Variants in GUCY1A2 observed in about 807,000 individuals in gnomAD.
GUCY1A2 encodes the protein guanylate cyclase soluble subunit alpha-2.
In GUCY1A2, 27 loss-of-function variants were observed where a neutral mutation model predicts 63.5. That is an observed-to-expected ratio of 0.43 (90% CI 0.31 to 0.59). The LOEUF (loss-of-function observed/expected upper bound fraction) is 0.59. Among genes scored for constraint, GUCY1A2 ranks in the 20% least tolerant of loss-of-function variants. GUCY1A2 has a pLI of 0.11. For synonymous variants in GUCY1A2, 364 were observed against 343.5 expected, an observed-to-expected ratio of 1.06 and a Z score of -0.66; for missense variants, 768 against 913.3, an observed-to-expected ratio of 0.84 and a Z score of 2.05.
chr11:106,890,626 C>G (rs1351830864), intron 4 of GUCY1A2, among the ~76,000 whole-genome samples: 4 of 152,194 alleles, frequency 2.6e-5, no homozygotes, highest in Non-Finnish European at 5.9e-5. Context: ...AATAGAACCA[C>G]TAGGAGATTA....
Position 106,795,812 on chromosome 11 carries a change from G to T in GUCY1A2, c.1692+14181C>A, listed in dbSNP as rs1284792404. 2.6e-5 allele frequency among the ~76,000 whole-genome samples: 4 copies of T among 152,120 alleles called. No individual in the cohort carries two copies. The East Asian group carries it at 7.7e-4, about 29-fold the overall frequency. On this transcript the variant is annotated intron_variant, in intron 5 of 7. Transcript: ENST00000526355. ...AATAGGGAGGCAGCAGCATTGATTT[G>T]CAGTTTGAAAACATTTTCCTAGCAA...
chr11:106,926,976 A>T (rs1456695752), intron 4 of GUCY1A2, among the ~76,000 whole-genome samples: 3 of 150,272 alleles, frequency 2.0e-5, no homozygotes, highest in African/African-American at 7.3e-5. Flanking sequence ...TCTCTTCTGT[A>T]ATTCAGTGGT....
At chr11:106,882,504 C>A (rs1463590996) in intron 4 of GUCY1A2, among the ~76,000 whole-genome samples, 1 of 151,884 alleles carries the variant, frequency 6.6e-6, no homozygotes, top group Non-Finnish European at 1.5e-5. Flanking sequence ...AAAGTTTGAA[C>A]AATCATGAAC....
intron 4 of GUCY1A2, among the ~76,000 whole-genome samples, chr11:106,917,614 T>TA (rs1860384907): frequency 7.0e-6 from 1 of 143,254 alleles, no homozygotes; most frequent in South Asian, 2.6e-4. Flanking sequence ...TATGCAGCCA[T>TA]AAAAAAGGAT....
intron 4 of GUCY1A2, among the ~76,000 whole-genome samples, chr11:106,832,346 GA>G (rs1859062705): frequency 1.3e-5 from 2 of 152,056 alleles, no homozygotes; most frequent in African/African-American, 4.8e-5. Flanking sequence ...CTCTAAAAAT[GA>G]AAATCTCTAG....
intron 4 of GUCY1A2, chr11:106,823,984 G>A: frequency 1.3e-6 from 1 of 788,084 alleles, no homozygotes; most frequent in South Asian, 3.1e-5. Context: ...TGCGCATATA[G>A]TTATTGCTTT....
In GUCY1A2 at chr11:106,825,061, A is replaced by G. The variant is rs1239306297; in HGVS notation, c.1207-14583T>C. 3 of 803,664 alleles carry G rather than the reference A, an allele frequency of 3.7e-6. No individual in the cohort carries two copies. The African/African-American group carries it at 5.2e-5, about 14-fold the overall frequency. The allele number at this position is 803,664 out of a possible 1,614,324, so 49.8% of individuals were successfully genotyped here. A position where few individuals can be genotyped will look rare whatever the true frequency, so the allele number is the denominator to read the frequency against. On this transcript the variant is annotated intron_variant, in intron 4 of 7. Transcript: ENST00000526355. ...TTTAAAAGAATTTCATAGATATTTT[A>G]TATGTATGGATCTATATTTTCAGAG...
chr11:106,960,348 T>C (rs1294467067), intron 3 of GUCY1A2, among the ~76,000 whole-genome samples: 1 of 152,218 alleles, frequency 6.6e-6, no homozygotes, highest in Non-Finnish European at 1.5e-5. Context: ...GTGTAAGATA[T>C]ATTACCAGGA....
chr11:106,830,338 G>A (rs1467131184), intron 4 of GUCY1A2, among the ~76,000 whole-genome samples: 1 of 152,156 alleles, frequency 6.6e-6, no homozygotes, highest in East Asian at 1.9e-4. Flanking sequence ...ATGGGTTCAA[G>A]TTGACAAGGG....
At chr11:106,831,711 T>C (rs1384641710) in intron 4 of GUCY1A2, among the ~76,000 whole-genome samples, 1 of 152,218 alleles carries the variant, frequency 6.6e-6, no homozygotes, top group African/African-American at 2.4e-5. Context: ...GCAGCAGGGC[T>C]GCTCAGTAGA....
chr11:106,928,029 T>C (rs1860551081), intron 4 of GUCY1A2, among the ~76,000 whole-genome samples: 1 of 152,158 alleles, frequency 6.6e-6, no homozygotes, highest in African/African-American at 2.4e-5. Flanking sequence ...CTGTAGGATG[T>C]TAAGAATTTC....
At chr11:106,827,442 C>T in intron 4 of GUCY1A2, 6 of 1,446,580 alleles carry the variant, frequency 4.1e-6, no homozygotes, top group Non-Finnish European at 5.8e-6. Context: ...TCCCTAAGAT[C>T]ATTATTCTTT....
rs1861856021 is a variant in GUCY1A2 at position 107,018,189 on chromosome 11, G to A, written c.-134C>T. 4 of 324,398 alleles carry A rather than the reference G, an allele frequency of 1.2e-5. No homozygotes were observed. Among genetic ancestry groups the A allele is most frequent in the South Asian group, 1.3e-4 (1 of 7,958 alleles). 20.1% of individuals were successfully genotyped at this position (324,398 alleles called of 1,614,324 possible). On this transcript the variant is annotated 5_prime_UTR_variant, in exon 1 of 8. Transcript: ENST00000526355. ...GCGGGGCGCTGCGGTCGCGCCCGGC[G>A]GGGCGGGAGTCCCCGGGGCCGCGGA...
At chr11:106,812,141 C>T (rs1858770072) in intron 4 of GUCY1A2, among the ~76,000 whole-genome samples, 1 of 151,894 alleles carries the variant, frequency 6.6e-6, no homozygotes, top group African/African-American at 2.4e-5. Flanking sequence ...GGAAGAAACA[C>T]ATAATGTACA....
At chr11:106,857,325 A>G (rs964632505) in intron 4 of GUCY1A2, among the ~76,000 whole-genome samples, 2 of 152,066 alleles carry the variant, frequency 1.3e-5, no homozygotes, top group Non-Finnish European at 2.9e-5. Context: ...TTTTTCTTAC[A>G]CAGGCTCTAA....
chr11:106,689,353 C>T (rs898723544), intron 7 of GUCY1A2, among the ~76,000 whole-genome samples: 1 of 152,014 alleles, frequency 6.6e-6, no homozygotes, highest in Non-Finnish European at 1.5e-5. Context: ...TGATGATATT[C>T]ATTCGGTATA....
At chr11:106,925,252 G>T (rs1421575101) in intron 4 of GUCY1A2, among the ~76,000 whole-genome samples, 2 of 152,090 alleles carry the variant, frequency 1.3e-5, no homozygotes, top group African/African-American at 4.8e-5. Flanking sequence ...TAACTTTAAA[G>T]AAAAATCATA....
intron 6 of GUCY1A2, among the ~76,000 whole-genome samples, chr11:106,713,958 C>A (rs1435882668): frequency 1.3e-5 from 2 of 151,398 alleles, no homozygotes; most frequent in African/African-American, 4.9e-5. Flanking sequence ...TCTTTTCAAG[C>A]AGGAGGAGAG....
chr11:106,906,944 G>A (rs1393948746), intron 4 of GUCY1A2, among the ~76,000 whole-genome samples: 1 of 152,092 alleles, frequency 6.6e-6, no homozygotes, highest in Non-Finnish European at 1.5e-5. Flanking sequence ...AGAGGGTTGG[G>A]GACTAGGGGA....
Sources: allele counts gnomAD v4.1 joint callset (sites outside exome capture counted in the v4.1 genomes callset), GRCh38; gene constraint gnomAD v4.1.1; transcripts MANE v1.5; gene names NCBI Gene and HGNC (gene_info 2026-07-23, HGNC 2026-07-21).